ATG5: variants seen among roughly 807,000 people sequenced by gnomAD.
ATG5 encodes autophagy protein 5.
ATG5 carries 14 observed loss-of-function variants against 36.5 expected under a neutral mutation model. The ratio of observed to expected loss-of-function variants is 0.38; its 90% CI spans 0.25 to 0.60. ATG5 has a LOEUF of 0.60. Ranked by LOEUF, ATG5 falls within the 20% of genes least tolerant of loss-of-function variation. ATG5 has a pLI of 0.60. For missense variants in ATG5, 195 were observed against 326.7 expected (o/e 0.60, Z 3.11); for synonymous variants, 95 against 101.5 (o/e 0.94, Z 0.38).
chr6:106,247,791 G>A (rs1488565834), intron 6 of ATG5, among the ~76,000 whole-genome samples: 1 of 152,222 alleles, frequency 6.6e-6, no homozygotes, highest in East Asian at 1.9e-4. Context: ...GCTGAGACAA[G>A]AAGGTAGAGC....
intron 5 of ATG5, among the ~76,000 whole-genome samples, chr6:106,276,177 A>T (rs1370790115): frequency 6.6e-6 from 1 of 152,224 alleles, no homozygotes; most frequent in African/African-American, 2.4e-5. Flanking sequence ...ATAGATTAAG[A>T]AACTGGGCCG....
chr6:106,201,176 G>GT (rs796958952), intron 7 of ATG5, among the ~76,000 whole-genome samples: 28 of 152,096 alleles, frequency 1.8e-4, no homozygotes, highest in African/African-American at 6.5e-4. Context: ...TTTCCCAAAT[G>GT]TTTTTTATCT....
chr6:106,233,576 T>C (rs1777773223), intron 6 of ATG5, among the ~76,000 whole-genome samples: 1 of 152,160 alleles, frequency 6.6e-6, no homozygotes, highest in Non-Finnish European at 1.5e-5. Context: ...GAAATTGATG[T>C]AGTGGCAAAG....
At chr6:106,225,293 A>G (rs557091375) in intron 6 of ATG5, among the ~76,000 whole-genome samples, 1 of 152,364 alleles carries the variant, frequency 6.6e-6, no homozygotes, top group South Asian at 2.1e-4. Flanking sequence ...TGCATGTCAA[A>G]GATTCAATTC....
At chr6:106,278,424 G>A (rs926795186) in intron 5 of ATG5, among the ~76,000 whole-genome samples, 1 of 152,060 alleles carries the variant, frequency 6.6e-6, no homozygotes, top group African/African-American at 2.4e-5. Context: ...AAATATCTGA[G>A]AGTTCCTTTA....
In ATG5 at chr6:106,293,112, A is replaced by C; in HGVS notation, c.237-6T>G. The C allele has an allele frequency of 6.2e-7, 1 of 1,608,988 alleles. No individual in the cohort carries two copies. The highest frequency in any genetic ancestry group is 8.5e-7 in the Non-Finnish European group (1 of 1,175,778). ...GCAAACCAATTGGATAATGCCTAAA[A>C]ATGAAACAGTATATTTTGAGAAAAT... On this transcript the variant is annotated splice_polypyrimidine_tract_variant and splice_region_variant and intron_variant, in intron 3 of 7. Coordinates refer to ENST00000369076, the MANE Select transcript of ATG5 (RefSeq NM_004849.4).
At chr6:106,270,163 T>C (rs1779398547) in intron 5 of ATG5, among the ~76,000 whole-genome samples, 1 of 152,226 alleles carries the variant, frequency 6.6e-6, no homozygotes, top group Non-Finnish European at 1.5e-5. Context: ...AATTTTTTAC[T>C]GCTTTATATT....
intron 7 of ATG5, among the ~76,000 whole-genome samples, chr6:106,191,060 T>G (rs1775948544): frequency 6.6e-6 from 1 of 152,246 alleles, no homozygotes; most frequent in South Asian, 2.1e-4. Flanking sequence ...ATATATAAAA[T>G]GAAGATGCCT....
chr6:106,247,676 A>G (rs1778398595), intron 6 of ATG5, among the ~76,000 whole-genome samples: 3 of 152,344 alleles, frequency 2.0e-5, no homozygotes, highest in African/African-American at 7.2e-5. Flanking sequence ...TCAGTGCTAC[A>G]TTTGGAGTCT....
At chr6:106,238,703 C>G (rs764201221) in intron 6 of ATG5, among the ~76,000 whole-genome samples, 1 of 152,082 alleles carries the variant, frequency 6.6e-6, no homozygotes, top group African/African-American at 2.4e-5. Flanking sequence ...GACCAAGAGC[C>G]CTGCCAGGTA....
intron 5 of ATG5, among the ~76,000 whole-genome samples, chr6:106,262,623 C>T (rs985001605): frequency 2.0e-5 from 3 of 151,988 alleles, no homozygotes; most frequent in Non-Finnish European, 2.9e-5. Flanking sequence ...ACACAGAAGG[C>T]GGCAGGTGAT....
At chr6:106,232,579 C>G (rs1349503837) in intron 6 of ATG5, among the ~76,000 whole-genome samples, 1 of 152,046 alleles carries the variant, frequency 6.6e-6, no homozygotes, top group Non-Finnish European at 1.5e-5. Context: ...CCTTTCCCCA[C>G]CAAAGGCAGT....
At chr6:106,186,914 CTTCT>C (rs1430615016) in intron 7 of ATG5, among the ~76,000 whole-genome samples, 2 of 152,150 alleles carry the variant, frequency 1.3e-5, no homozygotes, top group Non-Finnish European at 2.9e-5. Flanking sequence ...GAAAGTATTA[CTTCT>C]TTCTTAATTA....
intron 6 of ATG5, among the ~76,000 whole-genome samples, chr6:106,210,459 A>AAT (rs1374929075): frequency 6.6e-6 from 1 of 152,218 alleles, no homozygotes; most frequent in Admixed American, 6.5e-5. Context: ...AGTAAATACT[A>AAT]ATAATGGCAG....
At chr6:106,261,484 A>G (rs766423646) in intron 5 of ATG5, among the ~76,000 whole-genome samples, 16 of 152,250 alleles carry the variant, frequency 1.1e-4, no homozygotes, top group Admixed American at 2.0e-4. Context: ...ATAGATGAGA[A>G]ACTTCATAAA....
In ATG5 at chr6:106,185,761, G is replaced by A. The variant is rs1775740510; in HGVS notation, c.*779C>T. 6.6e-6 allele frequency: 1 copy of A among 152,248 alleles called. No individual in the cohort carries two copies. The allele number at this position is 152,248 out of a possible 1,614,324, so 9.4% of individuals were successfully genotyped here. A position where few individuals can be genotyped will look rare whatever the true frequency, so the allele number is the denominator to read the frequency against. On this transcript the variant is annotated 3_prime_UTR_variant, in exon 8 of 8. Coordinates refer to ENST00000369076, the MANE Select transcript of ATG5 (RefSeq NM_004849.4). Reference sequence around the variant, plus strand: ...GTAAAGAACACAGGTTTTTTAATTGGCAGCAAGAAATTCTATGACAGCTTC... The same window carrying A: ...GTAAAGAACACAGGTTTTTTAATTGACAGCAAGAAATTCTATGACAGCTTC...
intron 6 of ATG5, among the ~76,000 whole-genome samples, chr6:106,244,281 T>C (rs1459960550): frequency 1.3e-5 from 2 of 152,210 alleles, no homozygotes; most frequent in East Asian, 1.9e-4. Context: ...ACAAAGTAGA[T>C]GACTGAATGA....
chr6:106,299,591 G>A (rs1185466562), intron 3 of ATG5, among the ~76,000 whole-genome samples: 1 of 152,086 alleles, frequency 6.6e-6, no homozygotes, highest in East Asian at 1.9e-4. Flanking sequence ...CATTGCTCTA[G>A]TCTTCCATAT....
In ATG5 at chr6:106,312,004, G is replaced by A. The variant is rs35601161; in HGVS notation, c.109-3513C>T. Among the ~76,000 whole-genome samples the A allele has an allele frequency of 7.5e-3, 1,143 of 152,112 alleles. 10 individuals carry two copies. Among genetic ancestry groups the A allele is most frequent in the Non-Finnish European group, 9.3e-3 (630 of 67,960 alleles). On this transcript the variant is annotated intron_variant, in intron 2 of 7. Coordinates refer to ENST00000369076, the MANE Select transcript of ATG5 (RefSeq NM_004849.4). ...CACCACCACACCGGGCTAATTTTTT[G>A]TATTTTTAGTAGAGATGGGTTTCAC...
Sources: gnomAD v4.1 joint callset for allele counts (sites outside exome capture counted in the v4.1 genomes callset) on GRCh38, gnomAD v4.1.1 for gene constraint, MANE v1.5 for transcripts, NCBI Gene and HGNC (gene_info 2026-07-23, HGNC 2026-07-21) for gene names.